Variants in CACNA2D3 observed in about 807,000 individuals in gnomAD.
CACNA2D3 encodes the protein voltage-dependent calcium channel subunit alpha-2/delta-3.
Under a neutral mutation model 160.6 loss-of-function variants are expected in CACNA2D3, and 60 were observed. That is an observed-to-expected ratio of 0.37 (90% CI 0.30 to 0.46). CACNA2D3 has a LOEUF of 0.46. CACNA2D3 is among the 20% of genes least tolerant of loss of function. The probability of loss-of-function intolerance (pLI) is 1.00; values close to 1 mark genes in which losing one functional copy is unlikely to be tolerated. For missense variants in CACNA2D3, 1,205 were observed against 1,365.0 expected (o/e 0.88, Z 1.85); for synonymous variants, 558 against 492.9 (o/e 1.13, Z -1.75).
intron 10 of CACNA2D3, among the ~76,000 whole-genome samples, chr3:54,628,712 T>C (rs770808700): frequency 6.6e-6 from 1 of 152,082 alleles, no homozygotes; most frequent in Non-Finnish European, 1.5e-5. Context: ...ATTCGGGCAA[T>C]TGATGGCATA....
intron 17 of CACNA2D3, among the ~76,000 whole-genome samples, chr3:54,854,249 T>C (rs1699119727): frequency 6.6e-6 from 1 of 152,124 alleles, no homozygotes; most frequent in African/African-American, 2.4e-5. Context: ...AATACATCAT[T>C]TGGTTTGAAA....
At chr3:54,761,483 T>G (rs1379995224) in intron 12 of CACNA2D3, among the ~76,000 whole-genome samples, 1 of 152,342 alleles carries the variant, frequency 6.6e-6, no homozygotes, top group East Asian at 1.9e-4. Context: ...AGATGATAAC[T>G]GTGTATGTGG....
intron 6 of CACNA2D3, among the ~76,000 whole-genome samples, chr3:54,569,018 T>C (rs1702452103): frequency 6.6e-6 from 1 of 152,230 alleles, no homozygotes; most frequent in African/African-American, 2.4e-5. Flanking sequence ...TTGCAAATCC[T>C]CCATCCCTGA....
intron 4 of CACNA2D3, among the ~76,000 whole-genome samples, chr3:54,460,861 A>T (rs1174463803): frequency 6.6e-6 from 1 of 152,190 alleles, no homozygotes; most frequent in Admixed American, 6.5e-5. Flanking sequence ...GCCAGTTTTC[A>T]AAGGGAATGC....
chr3:54,903,241 G>T lies in CACNA2D3; in HGVS notation c.2449+3373G>T, dbSNP rs148366671. ...CCTCCATTAGGTCCTAGTGTGTGTT[G>T]TTCCCCTCTCTGTGTCCATGTGTTC... On this transcript the variant is annotated intron_variant, in intron 27 of 37. Transcript: ENST00000474759. Among the ~76,000 whole-genome samples the T allele has an allele frequency of 9.4e-3, 1,432 of 152,098 alleles. 25 individuals carry two copies. Among genetic ancestry groups the T allele is most frequent in the African/African-American group, 0.033 (1,352 of 41,486 alleles).
chr3:55,018,439 C>G (rs557907421), intron 35 of CACNA2D3, 122 bp downstream of exon 35: 28 of 631,428 alleles, frequency 4.4e-5, no homozygotes, highest in Non-Finnish European at 7.5e-5. Context: ...TGCCCTCTTG[C>G]GTAAGGAAGT....
rs541086617 is a variant in CACNA2D3 at position 54,386,688 on chromosome 3, T to C, written c.322-27T>C. On this transcript the variant is annotated intron_variant, in intron 3 of 37. Coordinates refer to ENST00000474759, the MANE Select transcript of CACNA2D3 (RefSeq NM_018398.3). ...GCCACAATTCTGATCCTTAATGCTGTCTTCTGTTTTTTTTTTTTTTTTTTA... is the reference window on the plus strand; with the variant it reads ...GCCACAATTCTGATCCTTAATGCTGCCTTCTGTTTTTTTTTTTTTTTTTTA... 1.7e-5 allele frequency: 25 copies of C among 1,509,918 alleles called. No individual in the cohort carries two copies. The East Asian group carries it at 5.4e-4, about 33-fold the overall frequency. 93.5% of individuals were successfully genotyped at this position (1,509,918 alleles called of 1,614,324 possible).
intron 31 of CACNA2D3, among the ~76,000 whole-genome samples, chr3:55,002,708 T>G (rs1214880755): frequency 6.6e-6 from 1 of 152,182 alleles, no homozygotes; most frequent in African/African-American, 2.4e-5. Flanking sequence ...GAAAAGACCT[T>G]GAGGACTGGC....
At position 54,918,704 on chromosome 3, in the gene CACNA2D3, C is replaced by G. The variant is rs61735200; in HGVS notation, c.2449+18836C>G. The G allele has an allele frequency of 1.3e-3, 2,077 of 1,614,132 alleles. 20 individuals carry two copies. In the African/African-American group the frequency reaches 0.023, roughly 18 times the overall value. ...AGCTCGCACTCCAAGAGTTCTCGCT[C>G]CCCCGCGTTGTGGTTCTCAGGAGGC... On this transcript the variant is annotated intron_variant, in intron 27 of 37. Transcript: ENST00000474759.
intron 16 of CACNA2D3, among the ~76,000 whole-genome samples, chr3:54,844,639 T>A (rs890258418): frequency 2.6e-5 from 4 of 152,138 alleles, no homozygotes; most frequent in Non-Finnish European, 4.4e-5. Flanking sequence ...TCATGAAACT[T>A]ACATTCTGGT....
At chr3:54,545,069 T>G (rs960061751) in intron 5 of CACNA2D3, among the ~76,000 whole-genome samples, 4 of 152,220 alleles carry the variant, frequency 2.6e-5, no homozygotes, top group Non-Finnish European at 5.9e-5. Flanking sequence ...TGTGATGTGC[T>G]GTGTACTTCT....
At position 54,642,191 on chromosome 3, in the gene CACNA2D3, G is replaced by A; in HGVS notation, c.1117G>A (p.Val373Met). The change falls in exon 11 of 38, where the codon GTG becomes ATG. Residue 373 changes from valine (V) to methionine (M), a missense_variant. Physicochemically the swap from Val to Met is conservative, Grantham distance 21. Coordinates refer to ENST00000474759, the MANE Select transcript of CACNA2D3 (RefSeq NM_018398.3). ...CATCATGCTCATAACTGATGGGGCG[G>A]TGGACACCTATGATACAATCTTTGC... The part of the protein sequence containing the change: ...QAIMLITDGA[V>M]DTYDTIFAKY... The A allele has an allele frequency of 6.2e-7, 1 of 1,613,292 alleles. No individual in the cohort carries two copies. Among genetic ancestry groups the A allele is most frequent in the Non-Finnish European group, 8.5e-7 (1 of 1,179,646 alleles).
At chr3:55,017,116 A>G (rs939711867) in intron 34 of CACNA2D3, among the ~76,000 whole-genome samples, 1 of 152,216 alleles carries the variant, frequency 6.6e-6, no homozygotes, top group Admixed American at 6.5e-5. Context: ...AAATGTAAAT[A>G]AGATTTTTTT....
intron 3 of CACNA2D3, among the ~76,000 whole-genome samples, chr3:54,383,965 CAT>C (rs1559466679): frequency 6.6e-6 from 1 of 152,054 alleles, no homozygotes; most frequent in African/African-American, 2.4e-5. Flanking sequence ...GTACAGTATA[CAT>C]ATATATACAT....
intron 27 of CACNA2D3, among the ~76,000 whole-genome samples, chr3:54,944,814 G>GT (rs1553925008): frequency 7.1e-4 from 79 of 111,410 alleles, no homozygotes; most frequent in East Asian, 2.4e-3. Flanking sequence ...TAGAGCTGGG[G>GT]GTGTGTGTGT....
rs112712386 is a variant in CACNA2D3, at chr3:54,539,841, G to T, written c.545-22959G>T. On this transcript the variant is annotated intron_variant, in intron 5 of 37. Transcript: ENST00000474759. ...AGATGTGTCAGAAAGTATTCTCTGC[G>T]CCAGCCAGTTTGTGGCCGGGTATTT... Among the ~76,000 whole-genome samples, 494 of 152,278 alleles carry T rather than the reference G, an allele frequency of 3.2e-3. 2 individuals are homozygous for T. Among genetic ancestry groups the T allele is most frequent in the Non-Finnish European group, 5.6e-3 (379 of 68,018 alleles).
intron 4 of CACNA2D3, among the ~76,000 whole-genome samples, chr3:54,436,333 G>C (rs370204691): frequency 3.9e-5 from 6 of 152,326 alleles, no homozygotes; most frequent in Middle Eastern, 3.4e-3. Context: ...GTTGGTGGGA[G>C]TGTAAATTAA....
At chr3:54,723,367 C>G (rs1301604071) in intron 11 of CACNA2D3, among the ~76,000 whole-genome samples, 1 of 152,158 alleles carries the variant, frequency 6.6e-6, no homozygotes, top group Non-Finnish European at 1.5e-5. Flanking sequence ...CCACTTGGCT[C>G]CCTGGCTTCA....
chr3:54,858,891 T>C (rs1316286863), intron 17 of CACNA2D3, among the ~76,000 whole-genome samples: 1 of 152,222 alleles, frequency 6.6e-6, no homozygotes, highest in Admixed American at 6.5e-5. Context: ...GTTTACATTT[T>C]AGAAAGACCT....
Sources: gnomAD v4.1 joint callset for allele counts (sites outside exome capture counted in the v4.1 genomes callset) on GRCh38, gnomAD v4.1.1 for gene constraint, MANE v1.5 for transcripts, NCBI Gene and HGNC (gene_info 2026-07-23, HGNC 2026-07-21) for gene names.